Variants in ACCSL observed in about 807,000 individuals in gnomAD.
ACCSL encodes probable inactive 1-aminocyclopropane-1-carboxylate synthase-like protein 2.
Under a neutral mutation model 61.7 loss-of-function variants are expected in ACCSL, and 55 were observed. The observed-to-expected ratio is 0.89, with a 90% confidence interval of 0.72 to 1.12. ACCSL has a LOEUF of 1.12. ACCSL is among the 50% of genes most tolerant of loss of function. The pLI is 0.00. For missense variants in ACCSL, 632 were observed against 698.0 expected, an observed-to-expected ratio of 0.91 and a Z score of 1.07; for synonymous variants, 258 against 264.3, an observed-to-expected ratio of 0.98 and a Z score of 0.23.
At chr11:43,937,357 G>T in the ACCSL span, among the ~76,000 whole-genome samples, 1 of 152,200 alleles carries the variant, frequency 6.6e-6, no homozygotes, top group Admixed American at 6.5e-5. Flanking sequence ...AGGGGCAGCC[G>T]TCAGTAGGGT....
the ACCSL span, among the ~76,000 whole-genome samples, chr11:43,979,346 C>A: frequency 2.0e-5 from 3 of 151,494 alleles, no homozygotes; most frequent in Admixed American, 2.0e-4. Flanking sequence ...AAGAAAAAAA[C>A]AAAAACAAAA....
At chr11:43,952,146 T>G in the ACCSL span, among the ~76,000 whole-genome samples, 1 of 152,134 alleles carries the variant, frequency 6.6e-6, no homozygotes. Flanking sequence ...TCTCAGGGGT[T>G]TGGTGTACAG....
chr11:43,985,948 G>A, the ACCSL span, among the ~76,000 whole-genome samples: 2 of 151,608 alleles, frequency 1.3e-5, no homozygotes, highest in Non-Finnish European at 2.9e-5. Flanking sequence ...GGGCGACAGC[G>A]TGAGACTCTG....
At chr11:43,934,206 A>G in the ACCSL span, among the ~76,000 whole-genome samples, 1 of 152,020 alleles carries the variant, frequency 6.6e-6, no homozygotes. Context: ...CCTCCAGCAA[A>G]ATTATCGAAA....
the ACCSL span, among the ~76,000 whole-genome samples, chr11:43,940,496 C>T: frequency 6.6e-6 from 1 of 151,678 alleles, no homozygotes. Flanking sequence ...GCTGGGACTA[C>T]AGGCACCCGC....
At chr11:43,954,588 CTTTT>C in the ACCSL span, among the ~76,000 whole-genome samples, 1 of 145,654 alleles carries the variant, frequency 6.9e-6, no homozygotes. Flanking sequence ...TTCTTTCTTT[CTTTT>C]TTTTTTTTTG....
At chr11:44,031,623 A>G in the ACCSL span, among the ~76,000 whole-genome samples, 28 of 152,252 alleles carry the variant, frequency 1.8e-4, no homozygotes, top group African/African-American at 4.8e-4. Context: ...ACCCAGGGAG[A>G]GAAGACAGAA....
chr11:44,051,548 G>C (rs1952639134), intron 4 of ACCSL, 105 bp from the exon 5 acceptor site: 1 of 1,541,818 alleles, frequency 6.5e-7, no homozygotes, highest in South Asian at 1.1e-5. Flanking sequence ...TCCCAACTGA[G>C]GAGGCTCCCT....
chr11:43,989,267 A>G, the ACCSL span, among the ~76,000 whole-genome samples: 1 of 152,180 alleles, frequency 6.6e-6, no homozygotes, highest in African/African-American at 2.4e-5. Context: ...GATGATGACG[A>G]TCTGGCCTGG....
At chr11:43,990,997 G>C in the ACCSL span, among the ~76,000 whole-genome samples, 15 of 151,952 alleles carry the variant, frequency 9.9e-5, no homozygotes, top group African/African-American at 3.6e-4. Flanking sequence ...CTTGAACCCG[G>C]GTAGCAGAGG....
chr11:44,045,962 G>A (rs1296378285), upstream of ACCSL, among the ~76,000 whole-genome samples: 1 of 152,172 alleles, frequency 6.6e-6, no homozygotes, highest in African/African-American at 2.4e-5. Context: ...TTACCACCCC[G>A]ATCTTGGCTC....
At chr11:44,001,144 C>T in the ACCSL span, 1 of 152,122 alleles carries the variant, frequency 6.6e-6, no homozygotes, top group Non-Finnish European at 1.5e-5. Flanking sequence ...AAAATAAATT[C>T]CCTCATCTCC....
chr11:43,949,263 G>C, the ACCSL span, among the ~76,000 whole-genome samples: 8,460 of 152,252 alleles, frequency 0.056, 369 homozygotes, highest in East Asian at 0.11. Context: ...AGGGGAGGGT[G>C]GTGGGCACCA....
At chr11:44,017,374 C>T in the ACCSL span, among the ~76,000 whole-genome samples, 2 of 152,112 alleles carry the variant, frequency 1.3e-5, no homozygotes, top group African/African-American at 4.8e-5. Context: ...GGGGCATTCA[C>T]ATTGTGATCT....
the ACCSL span, among the ~76,000 whole-genome samples, chr11:43,934,509 C>T: frequency 2.0e-5 from 3 of 152,342 alleles, no homozygotes; most frequent in Non-Finnish European, 4.4e-5. Context: ...CACGTACAAG[C>T]GGTGGCTGGG....
At chr11:43,997,251 G>A in the ACCSL span, among the ~76,000 whole-genome samples, 3 of 152,002 alleles carry the variant, frequency 2.0e-5, no homozygotes, top group East Asian at 1.9e-4. Context: ...CTAAACAGAG[G>A]GCCCCGTCTT....
At chr11:43,922,362 G>C in the ACCSL span, 1 of 152,262 alleles carries the variant, frequency 6.6e-6, no homozygotes, top group Admixed American at 6.5e-5. Flanking sequence ...TTGCCATGCT[G>C]AATGTAGGCG....
upstream of ACCSL, among the ~76,000 whole-genome samples, chr11:44,046,345 C>G (rs1231317079): frequency 2.0e-5 from 3 of 152,210 alleles, no homozygotes; most frequent in Non-Finnish European, 4.4e-5. Context: ...GTCTATTGCT[C>G]CATCTTCCAT....
At chr11:43,935,280 T>G in the ACCSL span, among the ~76,000 whole-genome samples, 1 of 152,176 alleles carries the variant, frequency 6.6e-6, no homozygotes, top group Non-Finnish European at 1.5e-5. Flanking sequence ...GTACAAGCGG[T>G]GGCTGGGCCA....
Sources: allele counts gnomAD v4.1 joint callset (sites outside exome capture counted in the v4.1 genomes callset), GRCh38; gene constraint gnomAD v4.1.1; transcripts MANE v1.5; gene names NCBI Gene and HGNC (gene_info 2026-07-23, HGNC 2026-07-21).